The following ASIC2 variants were observed in gnomAD, a reference collection of about 807,000 sequenced individuals.
The protein encoded by ASIC2 is acid sensing ion channel subunit 2.
In ASIC2, 25 loss-of-function variants were observed where a neutral mutation model predicts 57.3. The observed-to-expected ratio is 0.44, with a 90% confidence interval of 0.32 to 0.61. The LOEUF is 0.61. ASIC2 is among the 20% of genes least tolerant of loss of function. ASIC2 has a pLI of 0.06. For missense variants in ASIC2, 641 were observed against 738.1 expected (o/e 0.87, Z 1.52); for synonymous variants, 319 against 307.5 (o/e 1.04, Z -0.39).
intron 1 of ASIC2, among the ~76,000 whole-genome samples, chr17:34,067,928 A>C (rs1411191944): frequency 6.6e-6 from 1 of 152,222 alleles, no homozygotes; most frequent in South Asian, 2.1e-4. Context: ...AAGGATAAAC[A>C]TTATCCTGTT....
chr17:34,018,737 A>G (rs1229901843), intron 1 of ASIC2, among the ~76,000 whole-genome samples: 4 of 152,236 alleles, frequency 2.6e-5, no homozygotes, highest in Non-Finnish European at 5.9e-5. Context: ...AAATAGCAAG[A>G]GAACTACATT....
At chr17:33,709,534 T>C (rs112485517) in intron 1 of ASIC2, among the ~76,000 whole-genome samples, 8 of 152,326 alleles carry the variant, frequency 5.3e-5, no homozygotes, top group African/African-American at 1.9e-4. Context: ...CCCTCACTCA[T>C]GTGGCACTGT....
chr17:33,828,602 G>C (rs1461766748), intron 1 of ASIC2: 1 of 151,852 alleles, frequency 6.6e-6, no homozygotes, highest in East Asian at 1.9e-4. Context: ...TCTTGGAATG[G>C]GATGTGAATG....
intron 1 of ASIC2, among the ~76,000 whole-genome samples, chr17:33,777,083 T>G (rs936920100): frequency 2.6e-5 from 4 of 152,228 alleles, no homozygotes; most frequent in African/African-American, 9.6e-5. Context: ...AGCCAATGTC[T>G]GCCTCTTGGG....
chr17:33,212,400 G>A (rs188807187), intron 1 of ASIC2, among the ~76,000 whole-genome samples: 1 of 152,240 alleles, frequency 6.6e-6, no homozygotes, highest in Admixed American at 6.5e-5. Context: ...GAATGTGGCG[G>A]CCCCTAGAAG....
intron 1 of ASIC2, among the ~76,000 whole-genome samples, chr17:33,422,888 GA>G (rs1399131555): frequency 6.6e-6 from 1 of 152,146 alleles, no homozygotes; most frequent in Non-Finnish European, 1.5e-5. Flanking sequence ...ACAGTGGTAG[GA>G]ACTGAGACTA....
chr17:33,397,742 A>T (rs186940142), intron 1 of ASIC2, among the ~76,000 whole-genome samples: 62 of 152,338 alleles, frequency 4.1e-4, no homozygotes, highest in African/African-American at 1.4e-3. Context: ...TCAGTGCAAC[A>T]AGAAAGCTCA....
chr17:33,104,377 G>C (rs1485068290), intron 2 of ASIC2, among the ~76,000 whole-genome samples: 1 of 152,206 alleles, frequency 6.6e-6, no homozygotes, highest in Non-Finnish European at 1.5e-5. Context: ...AAGGGAGAGG[G>C]ATGCTTCAAG....
chr17:33,732,050 G>A (rs984508604), intron 1 of ASIC2, among the ~76,000 whole-genome samples: 3 of 152,184 alleles, frequency 2.0e-5, no homozygotes, highest in Admixed American at 1.3e-4. Context: ...TTATATAGAT[G>A]TAATTTGGCC....
rs995941703 is a variant in ASIC2 at position 33,514,573 on chromosome 17, G to A, written c.556-402506C>T. On this transcript the variant is annotated intron_variant, in intron 1 of 9. Transcript: ENST00000359872. Reference sequence around the variant, plus strand: ...CATTCCGAGCATTTCAGAGCCACCTGTTTGGACTTCTGTCCTGCCCTTATT... The same window carrying A: ...CATTCCGAGCATTTCAGAGCCACCTATTTGGACTTCTGTCCTGCCCTTATT... Among the ~76,000 whole-genome samples, 4 of 152,210 alleles carry A rather than the reference G, an allele frequency of 2.6e-5. No individual in the cohort carries two copies. In the East Asian group the frequency reaches 5.8e-4, roughly 22 times the overall value.
chr17:33,470,653 G>T (rs1398616789), intron 1 of ASIC2, among the ~76,000 whole-genome samples: 1 of 152,194 alleles, frequency 6.6e-6, no homozygotes, highest in Non-Finnish European at 1.5e-5. Flanking sequence ...TGCTGGGATA[G>T]TGGGACTCAG....
intron 1 of ASIC2, among the ~76,000 whole-genome samples, chr17:33,843,289 C>T (rs1009506350): frequency 5.3e-5 from 8 of 152,028 alleles, no homozygotes; most frequent in African/African-American, 1.2e-4. Context: ...GGGTGAGAAA[C>T]GGAAGGCTAA....
chr17:34,007,275 C>A (rs903130895), intron 1 of ASIC2, among the ~76,000 whole-genome samples: 1 of 152,200 alleles, frequency 6.6e-6, no homozygotes, highest in South Asian at 2.1e-4. Flanking sequence ...GGAGGATGTG[C>A]CCCGTCAGGG....
intron 1 of ASIC2, among the ~76,000 whole-genome samples, chr17:33,120,489 A>G (rs1325121772): frequency 1.3e-5 from 2 of 152,254 alleles, no homozygotes; most frequent in African/African-American, 4.8e-5. Flanking sequence ...GGCAGATGAC[A>G]CAGAGGCAGA....
intron 1 of ASIC2, among the ~76,000 whole-genome samples, chr17:33,994,959 C>T (rs1167759310): frequency 6.6e-6 from 1 of 152,146 alleles, no homozygotes; most frequent in African/African-American, 2.4e-5. Flanking sequence ...TGTATGATTT[C>T]AACTTTTCAC....
At chr17:33,194,091 C>A (rs1233881117) in intron 1 of ASIC2, among the ~76,000 whole-genome samples, 2 of 152,200 alleles carry the variant, frequency 1.3e-5, no homozygotes, top group East Asian at 3.9e-4. Flanking sequence ...ACCATCCATG[C>A]TCATCTGCCA....
intron 1 of ASIC2, among the ~76,000 whole-genome samples, chr17:33,945,971 G>C (rs573436517): frequency 6.6e-6 from 1 of 152,284 alleles, no homozygotes; most frequent in South Asian, 2.1e-4. Flanking sequence ...GTGGTGCTTA[G>C]GAGGCATCCT....
chr17:33,863,246 G>A (rs1487241010), intron 1 of ASIC2, among the ~76,000 whole-genome samples: 1 of 152,254 alleles, frequency 6.6e-6, no homozygotes, highest in African/African-American at 2.4e-5. Flanking sequence ...CCCTGATGGA[G>A]AGAAGACTTT....
At chr17:33,847,414 T>C (rs1913638355) in intron 1 of ASIC2, among the ~76,000 whole-genome samples, 1 of 151,858 alleles carries the variant, frequency 6.6e-6, no homozygotes, top group South Asian at 2.1e-4. Flanking sequence ...ATCAACACTT[T>C]CTCCTTATAT....
Sources: gnomAD v4.1 joint callset for allele counts (sites outside exome capture counted in the v4.1 genomes callset) on GRCh38, gnomAD v4.1.1 for gene constraint, MANE v1.5 for transcripts, NCBI Gene and HGNC (gene_info 2026-07-23, HGNC 2026-07-21) for gene names.